The following TNRC6A variants were observed in gnomAD, a reference collection of about 807,000 sequenced individuals.
The protein encoded by TNRC6A is trinucleotide repeat-containing gene 6A protein.
In TNRC6A, 44 loss-of-function variants were observed where a neutral mutation model predicts 221.2. That is an observed-to-expected ratio of 0.20 (90% CI 0.16 to 0.26). The LOEUF (loss-of-function observed/expected upper bound fraction) is 0.26. TNRC6A is among the 10% of genes least tolerant of loss of function. TNRC6A has a pLI of 1.00. For missense variants in TNRC6A, 2,199 were observed against 2,404.4 expected (o/e 0.91, Z 1.79); for synonymous variants, 847 against 838.5 (o/e 1.01, Z -0.18).
chr16:24,783,910 A>G (rs1222604465), intron 5 of TNRC6A, among the ~76,000 whole-genome samples: 1 of 152,188 alleles, frequency 6.6e-6, no homozygotes, highest in Non-Finnish European at 1.5e-5. Flanking sequence ...TGACTCTGAA[A>G]CATATTAGTT....
chr16:24,639,046 C>T (rs1334435154), intron 1 of TNRC6A, among the ~76,000 whole-genome samples: 28 of 152,122 alleles, frequency 1.8e-4, no homozygotes. Flanking sequence ...TCCCAGAGTG[C>T]AGAGATTTTG....
intron 14 of TNRC6A, 181 bp downstream of exon 14, chr16:24,805,332 C>A: frequency 9.8e-7 from 1 of 1,024,178 alleles, no homozygotes; most frequent in East Asian, 2.6e-5. Context: ...TAATTTAAAT[C>A]CAAAATTTAC....
intron 2 of TNRC6A, among the ~76,000 whole-genome samples, chr16:24,704,098 A>T (rs2142240735): frequency 6.6e-6 from 1 of 151,348 alleles, no homozygotes; most frequent in South Asian, 2.1e-4. Flanking sequence ...AAAAAAAAAA[A>T]AAAATTTTTT....
intron 1 of TNRC6A, among the ~76,000 whole-genome samples, chr16:24,632,052 T>C (rs779245527): frequency 3.9e-5 from 6 of 152,040 alleles, no homozygotes; most frequent in Non-Finnish European, 7.4e-5. Context: ...GGTCCTGCTA[T>C]ATTGCCCAGG....
intron 2 of TNRC6A, among the ~76,000 whole-genome samples, chr16:24,733,100 C>G (rs894941099): frequency 1.3e-5 from 2 of 152,056 alleles, no homozygotes; most frequent in Non-Finnish European, 2.9e-5. Context: ...GCCTGTATTC[C>G]CAGCTACCCG....
At position 24,712,907 on chromosome 16, in the gene TNRC6A, C is replaced by CTGTGTGTGTG. The variant is rs61198955; in HGVS notation, n.403-37777_403-37768dup. ...AATTTGGGGCCATAGTTATGTGCCA[C>CTGTGTGTGTG]TGTGTGTGTGTGTGTGTGTGTGTGT... On this transcript the variant is annotated intron_variant and non_coding_transcript_variant, in intron 2 of 2. Coordinates refer to the TNRC6A transcript ENST00000566108. 2.5e-3 allele frequency among the ~76,000 whole-genome samples: 317 copies of CTGTGTGTGTG among 126,730 alleles called. 3 individuals carry two copies. The highest frequency in any genetic ancestry group is 9.4e-3 in the African/African-American group (292 of 31,082). 83.1% of individuals were successfully genotyped at this position (126,730 alleles called of 152,430 possible). A position where few individuals can be genotyped will look rare whatever the true frequency, so the allele number is the denominator to read the frequency against.
In TNRC6A at chr16:24,739,478, C is replaced by CTTTT. The variant is rs71383710; in HGVS notation, c.53+9193_53+9196dup. Among the ~76,000 whole-genome samples, 22 of 118,290 alleles carry CTTTT rather than the reference C, an allele frequency of 1.9e-4. 1 individual carries two copies. The highest frequency in any genetic ancestry group is 2.0e-4 in the Non-Finnish European group (12 of 59,836). The allele number at this position is 118,290 out of a possible 152,430, so 77.6% of individuals were successfully genotyped here. A position where few individuals can be genotyped will look rare whatever the true frequency, so the allele number is the denominator to read the frequency against. ...TCCTATTTTGTGGCTTTTCCTTTCA[C>CTTTT]TTTTTTTTTTTTTTTTTTGAGACAG... On this transcript the variant is annotated intron_variant, in intron 2 of 24. Coordinates refer to ENST00000395799, the MANE Select transcript of TNRC6A (RefSeq NM_014494.4).
intron 21 of TNRC6A, 87 bp downstream of exon 21, chr16:24,818,787 C>T (rs1230858824): frequency 1.0e-6 from 1 of 984,834 alleles, no homozygotes; most frequent in African/African-American, 1.6e-5. Context: ...TTCGTCCAGT[C>T]TTCTCAGGGA....
In TNRC6A at chr16:24,627,985, C is replaced by T. The variant is rs1046711864; in HGVS notation, n.277-12899C>T. Among the ~76,000 whole-genome samples the T allele has an allele frequency of 6.1e-4, 92 of 151,566 alleles. 1 individual carries two copies. The highest frequency in any genetic ancestry group is 1.5e-3 in the African/African-American group (61 of 41,306). On this transcript the variant is annotated intron_variant and non_coding_transcript_variant, in intron 1 of 2. Coordinates refer to the TNRC6A transcript ENST00000566108. ...GTGCTGGGATTACAGGCATGAGCCA[C>T]GGCACTTGGCCATCTTTCTTGTTTT...
chr16:24,812,286 A>G (rs12596772), intron 18 of TNRC6A, among the ~76,000 whole-genome samples: 8,964 of 152,056 alleles, frequency 0.059, 725 homozygotes, highest in East Asian at 0.36. Context: ...TCCTGAACTC[A>G]GGTGATCTGC....
chr16:24,756,380 G>T (rs748777821), intron 3 of TNRC6A, among the ~76,000 whole-genome samples: 1 of 152,076 alleles, frequency 6.6e-6, no homozygotes, highest in African/African-American at 2.4e-5. Flanking sequence ...AGACCAGCCC[G>T]CAAAAACCTG....
At chr16:24,759,077 G>T (rs2057309683) in intron 4 of TNRC6A, among the ~76,000 whole-genome samples, 1 of 152,054 alleles carries the variant, frequency 6.6e-6, no homozygotes, top group South Asian at 2.1e-4. Flanking sequence ...AAAAAAAGAT[G>T]AATAAAGGAA....
chr16:24,753,695 C>G (rs917290107), intron 3 of TNRC6A, among the ~76,000 whole-genome samples: 1 of 152,166 alleles, frequency 6.6e-6, no homozygotes, highest in Non-Finnish European at 1.5e-5. Context: ...CAGGTGTATC[C>G]AGGCAGATAT....
chr16:24,714,907 T>TG (rs952660586), intron 2 of TNRC6A, among the ~76,000 whole-genome samples: 1 of 150,960 alleles, frequency 6.6e-6, no homozygotes, highest in African/African-American at 2.4e-5. Flanking sequence ...GATGGAGTCT[T>TG]GCTCTGTCAC....
Position 24,777,214 on chromosome 16 carries a change from C to G in TNRC6A, c.445C>G (p.Leu149Val), listed in dbSNP as rs916944598. 1 of 1,614,052 alleles carries G rather than the reference C, an allele frequency of 6.2e-7. No homozygotes were observed. Among genetic ancestry groups the G allele is most frequent in the African/African-American group, 1.3e-5 (1 of 74,902 alleles). ...RFRHQEHKQL[L>V]KRGQHFPVIA... ...TCGCCACCAGGAACACAAACAGCTT[C>G]TAAAGAGGGGTCAGCATTTTCCTGT... Residue 149 changes from leucine (L) to valine (V), a missense_variant, in exon 5 of 25, where the codon CTA becomes GTA. By Grantham distance (32) the Leu-to-Val change is conservative. Transcript: ENST00000395799.
At chr16:24,665,665 G>T (rs1001297674) in intron 2 of TNRC6A, among the ~76,000 whole-genome samples, 3 of 152,066 alleles carry the variant, frequency 2.0e-5, no homozygotes, top group African/African-American at 7.2e-5. Flanking sequence ...AGTATCCCTG[G>T]CCTTTACCCC....
chr16:24,769,298 A>G (rs2057540248), intron 4 of TNRC6A, among the ~76,000 whole-genome samples: 1 of 152,142 alleles, frequency 6.6e-6, no homozygotes, highest in Non-Finnish European at 1.5e-5. Flanking sequence ...TTGTTTCACA[A>G]AGTGGGGGGT....
intron 18 of TNRC6A, among the ~76,000 whole-genome samples, chr16:24,812,979 G>T (rs1385884749): frequency 7.1e-6 from 1 of 141,278 alleles, no homozygotes; most frequent in Non-Finnish European, 1.5e-5. Flanking sequence ...AGACTCAGAT[G>T]ACCCCCCCAC....
intron 2 of TNRC6A, among the ~76,000 whole-genome samples, chr16:24,659,448 T>A (rs978479104): frequency 1.3e-5 from 2 of 152,120 alleles, no homozygotes; most frequent in Non-Finnish European, 2.9e-5. Context: ...GGTGGTAGAA[T>A]TTTCCCCTTC....
Sources: gnomAD v4.1 joint callset for allele counts (sites outside exome capture counted in the v4.1 genomes callset) on GRCh38, gnomAD v4.1.1 for gene constraint, MANE v1.5 for transcripts, NCBI Gene and HGNC (gene_info 2026-07-23, HGNC 2026-07-21) for gene names.